Variants in ATIC observed in about 807,000 individuals in gnomAD.
ATIC encodes the protein bifunctional purine biosynthesis protein ATIC.
In ATIC, 64 loss-of-function variants were observed where a neutral mutation model predicts 72.5. The ratio of observed to expected loss-of-function variants is 0.88; its 90% CI spans 0.72 to 1.09. The LOEUF is 1.09. ATIC is among the 50% of genes least tolerant of loss of function. The probability of loss-of-function intolerance (pLI) is 0.00; values close to 1 mark genes in which losing one functional copy is unlikely to be tolerated. For synonymous variants in ATIC, 281 were observed against 267.1 expected, an observed-to-expected ratio of 1.05 and a Z score of -0.51; for missense variants, 787 against 732.4, an observed-to-expected ratio of 1.07 and a Z score of -0.86.
At chr2:215,322,725 TAGA>T (rs1307192169) in intron 4 of ATIC, among the ~76,000 whole-genome samples, 1 of 152,184 alleles carries the variant, frequency 6.6e-6, no homozygotes, top group Non-Finnish European at 1.5e-5. Flanking sequence ...AGACATGAAA[TAGA>T]AGTCTTATTT....
chr2:215,333,615 A>T (rs2052919902), intron 9 of ATIC, among the ~76,000 whole-genome samples, 158 bp downstream of exon 9: 1 of 152,198 alleles, frequency 6.6e-6, no homozygotes, highest in Non-Finnish European at 1.5e-5. Flanking sequence ...ATATACAGTT[A>T]TTCTATATAA....
intron 13 of ATIC, 154 bp downstream of exon 13, chr2:215,345,025 G>A: frequency 2.5e-6 from 2 of 801,162 alleles, no homozygotes; most frequent in Admixed American, 4.1e-5. Context: ...TACCCTGGTG[G>A]GCTGTTAAAA....
At position 215,334,937 on chromosome 2, in the gene ATIC, CA is replaced by C; in HGVS notation, c.942del (p.Phe315LeufsTer27). 1 of 1,613,446 alleles carries C rather than the reference CA, an allele frequency of 6.2e-7. No individual in the cohort carries two copies. The highest frequency in any genetic ancestry group is 8.5e-7 in the Non-Finnish European group (1 of 1,179,630). ...TTTACAGGGGCTGATAGGATGTCTT[CA>C]TTTGGTGATTTTGTTGCATTGTCCG... The part of the protein sequence containing the change: ...ARARGADRMS[S>X]FGDFVALSDV... On this transcript the variant is annotated frameshift_variant, in exon 10 of 16. Transcript: ENST00000236959. LOFTEE classifies it high-confidence loss of function.
chr2:215,335,865 G>A (rs2052947934), intron 10 of ATIC, among the ~76,000 whole-genome samples, 170 bp from the exon 11 acceptor site: 1 of 152,204 alleles, frequency 6.6e-6, no homozygotes, highest in Non-Finnish European at 1.5e-5. Flanking sequence ...TATACAGAAA[G>A]CTGTATTCTA....
chr2:215,363,875 A>G, the ATIC span, among the ~76,000 whole-genome samples: 1 of 152,202 alleles, frequency 6.6e-6, no homozygotes, highest in African/African-American at 2.4e-5. Flanking sequence ...GGCTTAAATA[A>G]TGGGTTGCCA....
the ATIC span, among the ~76,000 whole-genome samples, chr2:215,360,069 G>A: frequency 1.3e-5 from 2 of 152,096 alleles, no homozygotes; most frequent in Admixed American, 1.3e-4. Flanking sequence ...CTTCTGAGTA[G>A]CCGGGACCAA....
chr2:215,334,209 T>G (rs2052929746), intron 9 of ATIC, among the ~76,000 whole-genome samples: 1 of 126,368 alleles, frequency 7.9e-6, no homozygotes, highest in Non-Finnish European at 1.7e-5. Context: ...TTTTTTTTTT[T>G]TTGAGACAGC....
chr2:215,343,473 AT>A (rs1199159692), intron 12 of ATIC, among the ~76,000 whole-genome samples: 1 of 152,054 alleles, frequency 6.6e-6, no homozygotes, highest in Non-Finnish European at 1.5e-5. Context: ...AGTAGCTGGG[AT>A]TACAGGAATG....
chr2:215,351,876 T>C (rs1478352676), downstream of ATIC, among the ~76,000 whole-genome samples: 1 of 152,248 alleles, frequency 6.6e-6, no homozygotes, highest in East Asian at 1.9e-4. Flanking sequence ...AATAGTGTCA[T>C]GTTGCTAGGA....
chr2:215,359,857 C>T, the ATIC span, among the ~76,000 whole-genome samples: 1 of 151,954 alleles, frequency 6.6e-6, no homozygotes, highest in Non-Finnish European at 1.5e-5. Flanking sequence ...AAGTGCTTTG[C>T]ATGTCTTGTT....
chr2:215,348,605 C>A, intron 14 of ATIC: 1 of 391,754 alleles, frequency 2.6e-6, no homozygotes, highest in Non-Finnish European at 4.9e-6. Context: ...GAAAATATTT[C>A]TAAAAGCATC....
rs753619694 is a variant in ATIC, at chr2:215,346,934, T to C, written c.1496T>C (p.Ile499Thr). The C allele has an allele frequency of 2.6e-5, 42 of 1,614,064 alleles. No individual in the cohort carries two copies. Among genetic ancestry groups the C allele is most frequent in the Admixed American group, 1.7e-5 (1 of 60,012 alleles). ...ATCGATCAATATGTGACTGGAACCA[T>C]TGGCGAGGTGAAAGACTTGGCATTG... ...NAIDQYVTGTIGEDEDLIKWK... is the reference protein window; with the variant it reads ...NAIDQYVTGTTGEDEDLIKWK... Residue 499 changes from isoleucine to threonine, a missense_variant, in exon 14 of 16, where the codon ATT becomes ACT. Transcript: ENST00000236959.
At chr2:215,324,250 G>A (rs1331281379) in intron 4 of ATIC, among the ~76,000 whole-genome samples, 2 of 152,194 alleles carry the variant, frequency 1.3e-5, no homozygotes, top group African/African-American at 2.4e-5. Context: ...TCACCATCAA[G>A]TATGATGTTA....
At chr2:215,344,944 TAGATA>T in intron 13 of ATIC, 73 bp downstream of exon 13, 3 of 1,452,872 alleles carry the variant, frequency 2.1e-6, no homozygotes, top group South Asian at 2.3e-5. Flanking sequence ...CCGTCTGCCT[TAGATA>T]TTGGACAGCT....
chr2:215,353,384 T>G (rs933606526), downstream of ATIC, among the ~76,000 whole-genome samples: 3 of 152,054 alleles, frequency 2.0e-5, no homozygotes, highest in Non-Finnish European at 4.4e-5. Flanking sequence ...ATTCCTGGAC[T>G]TGGGGTCACA....
intron 8 of ATIC, 120 bp downstream of exon 8, chr2:215,332,627 C>G (rs2106018516): frequency 1.6e-6 from 2 of 1,260,136 alleles, no homozygotes; most frequent in East Asian, 2.5e-5. Flanking sequence ...TGAAAGTCAT[C>G]TGTTGATAAC....
At chr2:215,355,930 C>A in the ATIC span, among the ~76,000 whole-genome samples, 1 of 152,174 alleles carries the variant, frequency 6.6e-6, no homozygotes, top group Non-Finnish European at 1.5e-5. Context: ...GAGTTTGATT[C>A]TTCTGTAAAA....
the ATIC span, chr2:215,364,248 T>C: frequency 5.8e-6 from 1 of 171,768 alleles, no homozygotes; most frequent in Non-Finnish European, 1.3e-5. Context: ...ATAACAAGCA[T>C]CTGTTCTGAA....
chr2:215,331,421 T>C (rs566407042), intron 7 of ATIC, among the ~76,000 whole-genome samples: 104 of 150,446 alleles, frequency 6.9e-4, no homozygotes, highest in Middle Eastern at 3.4e-3. Context: ...TCGCTCTTGT[T>C]GGCCAGGCTG....
Sources: gnomAD v4.1 joint callset for allele counts (sites outside exome capture counted in the v4.1 genomes callset) on GRCh38, gnomAD v4.1.1 for gene constraint, MANE v1.5 for transcripts, NCBI Gene and HGNC (gene_info 2026-07-23, HGNC 2026-07-21) for gene names.